Variants in ZNF423 observed in about 807,000 individuals in gnomAD.
ZNF423 encodes the protein zinc finger protein 423.
In ZNF423, 12 loss-of-function variants were observed where a neutral mutation model predicts 95.8. The ratio of observed to expected loss-of-function variants is 0.13; its 90% CI spans 0.08 to 0.20. The LOEUF is 0.20. ZNF423 is among the 10% of genes least tolerant of loss of function. The pLI, the probability that ZNF423 is intolerant of heterozygous loss-of-function variation, is 1.00. For missense variants in ZNF423, 1,316 were observed against 1,737.1 expected (o/e 0.76, Z 4.31); for synonymous variants, 749 against 711.9 (o/e 1.05, Z -0.83).
chr16:49,706,601 G>A (rs1230584814), intron 3 of ZNF423, among the ~76,000 whole-genome samples: 1 of 152,208 alleles, frequency 6.6e-6, no homozygotes, highest in East Asian at 1.9e-4. Context: ...CAGAATCCAG[G>A]TGTCAGAAGG....
intron 1 of ZNF423, among the ~76,000 whole-genome samples, chr16:49,838,947 G>T: frequency 6.6e-6 from 1 of 151,896 alleles, no homozygotes; most frequent in Admixed American, 6.5e-5. Flanking sequence ...GCAGACAAGG[G>T]CCCGGGAGGG....
intron 1 of ZNF423, among the ~76,000 whole-genome samples, chr16:49,827,560 G>A (rs1361181499): frequency 6.6e-6 from 1 of 151,888 alleles, no homozygotes; most frequent in African/African-American, 2.4e-5. Context: ...CTATCTCCCA[G>A]GCTGGAGTGT....
intron 3 of ZNF423, among the ~76,000 whole-genome samples, chr16:49,718,786 A>G (rs2032781575): frequency 6.6e-6 from 1 of 152,142 alleles, no homozygotes; most frequent in Non-Finnish European, 1.5e-5. Flanking sequence ...CCCTTTTGTA[A>G]GAGCACTCAT....
chr16:49,810,788 G>A (rs1280313107), intron 1 of ZNF423, among the ~76,000 whole-genome samples: 2 of 152,158 alleles, frequency 1.3e-5, no homozygotes, highest in Non-Finnish European at 2.9e-5. Flanking sequence ...GAGGGCAGTC[G>A]GCCCTACCGG....
intron 2 of ZNF423, among the ~76,000 whole-genome samples, chr16:49,768,383 G>A (rs1353370876): frequency 1.3e-5 from 2 of 152,342 alleles, no homozygotes; most frequent in South Asian, 4.1e-4. Flanking sequence ...CAAAGCATGA[G>A]AGCCGCTAGG....
chr16:49,539,157 T>C (rs1400634648), intron 5 of ZNF423, among the ~76,000 whole-genome samples: 4 of 152,038 alleles, frequency 2.6e-5, no homozygotes, highest in African/African-American at 9.7e-5. Flanking sequence ...CTGCCTCAAC[T>C]ACACCCCCCA....
intron 3 of ZNF423, among the ~76,000 whole-genome samples, chr16:49,670,046 C>T (rs1394528071): frequency 6.6e-6 from 1 of 152,012 alleles, no homozygotes; most frequent in South Asian, 2.1e-4. Flanking sequence ...AGGGCAGTGG[C>T]CCCACCACGA....
intron 1 of ZNF423, among the ~76,000 whole-genome samples, chr16:49,815,879 AAAATATATATATATAT>A (rs1452929023): frequency 5.0e-5 from 3 of 59,616 alleles, no homozygotes; most frequent in Admixed American, 2.4e-4. Flanking sequence ...ACAAAAAAAA[AAAATATATATATATAT>A]ATATATATAT....
chr16:49,564,774 A>G (rs1173056329), intron 5 of ZNF423, among the ~76,000 whole-genome samples: 13 of 152,216 alleles, frequency 8.5e-5, no homozygotes, highest in Non-Finnish European at 1.9e-4. Flanking sequence ...GCAAGGCACA[A>G]GGAGGGGGTG....
At chr16:49,768,042 T>C (rs952186490) in intron 2 of ZNF423, among the ~76,000 whole-genome samples, 16 of 152,208 alleles carry the variant, frequency 1.1e-4, no homozygotes, top group African/African-American at 3.9e-4. Context: ...TTTTTGATCT[T>C]TAATCCATTA....
chr16:49,630,481 T>C (rs992326764), intron 4 of ZNF423, among the ~76,000 whole-genome samples: 44 of 152,102 alleles, frequency 2.9e-4, no homozygotes, highest in African/African-American at 8.9e-4. Context: ...AGGAAGCCCA[T>C]GGGAGGCCTG....
chr16:49,694,532 T>C (rs936987896), intron 3 of ZNF423, among the ~76,000 whole-genome samples: 2 of 152,312 alleles, frequency 1.3e-5, no homozygotes, highest in Middle Eastern at 3.4e-3. Flanking sequence ...CAAGCAGGGA[T>C]TGGAAATCAT....
intron 3 of ZNF423, among the ~76,000 whole-genome samples, chr16:49,688,283 C>T (rs1025957739): frequency 3.3e-5 from 5 of 152,220 alleles, no homozygotes; most frequent in African/African-American, 1.2e-4. Context: ...ACAGTCATGG[C>T]TAATATTGCA....
At position 49,582,143 on chromosome 16, in the gene ZNF423, A is replaced by G. The variant is rs565614946; in HGVS notation, c.3601+44027T>C. On this transcript the variant is annotated intron_variant, in intron 5 of 7. Coordinates refer to ENST00000563137, the MANE Select transcript of ZNF423 (RefSeq NM_001379286.1). ...AGCTGGGGATGCAAGAAACTGTCCCATTCTCCAACTGCAGAACTTCCTCCC... is the reference window on the plus strand; with the variant it reads ...AGCTGGGGATGCAAGAAACTGTCCCGTTCTCCAACTGCAGAACTTCCTCCC... Among the ~76,000 whole-genome samples the G allele has an allele frequency of 5.9e-5, 9 of 152,320 alleles. No individual in the cohort carries two copies. The South Asian group carries it at 1.9e-3, about 32-fold the overall frequency.
chr16:49,615,854 C>T (rs906797640), intron 5 of ZNF423, among the ~76,000 whole-genome samples: 14 of 152,148 alleles, frequency 9.2e-5, no homozygotes, highest in Admixed American at 3.9e-4. Flanking sequence ...GTGTTCAGGT[C>T]GGTGGGCAGC....
intron 1 of ZNF423, among the ~76,000 whole-genome samples, chr16:49,796,587 G>A (rs920408057): frequency 1.3e-5 from 2 of 152,220 alleles, no homozygotes; most frequent in African/African-American, 4.8e-5. Flanking sequence ...GAAGGTTCAG[G>A]TCAAAGGCAG....
At chr16:49,586,448 A>T (rs571069163) in intron 5 of ZNF423, among the ~76,000 whole-genome samples, 1 of 152,316 alleles carries the variant, frequency 6.6e-6, no homozygotes, top group East Asian at 1.9e-4. Context: ...TCAAGCCCCT[A>T]TCAGCTCCAT....
chr16:49,493,002 C>T (rs1393321473), intron 7 of ZNF423, among the ~76,000 whole-genome samples: 1 of 152,152 alleles, frequency 6.6e-6, no homozygotes, highest in African/African-American at 2.4e-5. Flanking sequence ...CCACCTCTGC[C>T]GGCCGGGCCT....
chr16:49,855,023 G>C lies in ZNF423; in HGVS notation c.40+712C>G. 5 of 984,880 alleles carry C rather than the reference G, an allele frequency of 5.1e-6. No homozygotes were observed. Among genetic ancestry groups the C allele is most frequent in the Non-Finnish European group, 6.0e-6 (5 of 829,706 alleles). The allele number at this position is 984,880 out of a possible 1,614,324, so 61.0% of individuals were successfully genotyped here. A position where few individuals can be genotyped will look rare whatever the true frequency, so the allele number is the denominator to read the frequency against. ...CCGCTGAGCTCCCCTGAGGACCTGCGTCCCGCCGGCGCCGTGCAGACAATG... is the reference window on the plus strand; with the variant it reads ...CCGCTGAGCTCCCCTGAGGACCTGCCTCCCGCCGGCGCCGTGCAGACAATG... On this transcript the variant is annotated intron_variant, in intron 1 of 7. Transcript: ENST00000563137. The surrounding 1 kb of genome is among the most constrained non-coding windows in gnomAD (Gnocchi z 4.7).
Sources: allele counts gnomAD v4.1 joint callset (sites outside exome capture counted in the v4.1 genomes callset), GRCh38; gene constraint gnomAD v4.1.1; non-coding constraint Gnocchi (gnomAD v3.1); transcripts MANE v1.5; gene names NCBI Gene and HGNC (gene_info 2026-07-23, HGNC 2026-07-21).